PDXK: variants seen among roughly 807,000 people sequenced by gnomAD.
PDXK encodes the protein epididymis secretory sperm binding protein Li 1a.
Under a neutral mutation model 43.2 loss-of-function variants are expected in PDXK, and 15 were observed. That is an observed-to-expected ratio of 0.35 (90% CI 0.23 to 0.53). The LOEUF is 0.53. Ranked by LOEUF, PDXK falls within the 20% of genes least tolerant of loss-of-function variation. PDXK has a pLI of 0.92. For missense variants in PDXK, 343 were observed against 417.0 expected, an observed-to-expected ratio of 0.82 and a Z score of 1.54; for synonymous variants, 172 against 165.4, an observed-to-expected ratio of 1.04 and a Z score of -0.31.
At chr21:43,740,676 A>ATT (rs1416721211) in intron 2 of PDXK, among the ~76,000 whole-genome samples, 1 of 151,872 alleles carries the variant, frequency 6.6e-6, no homozygotes, top group Non-Finnish European at 1.5e-5. Context: ...GTCCTCACAC[A>ATT]TTGATATGCC....
Position 43,752,747 on chromosome 21 carries a change from G to A in PDXK, c.622+118G>A, listed in dbSNP as rs2010795. On this transcript the variant is annotated intron_variant, in intron 8 of 10. Coordinates refer to ENST00000291565, the MANE Select transcript of PDXK (RefSeq NM_003681.5). ...TGAAATTTAAGCCTTATCCAGCACC[G>A]GGATGACACCCCCATTTTACAGACT... 204,355 of 639,370 alleles carry A rather than the reference G, an allele frequency of 0.32. 33,323 individuals are homozygous for A. The highest frequency in any genetic ancestry group is 0.44 in the East Asian group (15,671 of 35,500). The allele number at this position is 639,370 out of a possible 1,614,324, so 39.6% of individuals were successfully genotyped here. A position where few individuals can be genotyped will look rare whatever the true frequency, so the allele number is the denominator to read the frequency against.
Position 43,741,789 on chromosome 21 carries a change from C to T in PDXK, c.247+18C>T, listed in dbSNP as rs1476018693. 5.2e-6 allele frequency: 8 copies of T among 1,526,988 alleles called. No homozygotes were observed. The African/African-American group carries it at 5.5e-5, about 10-fold the overall frequency. 94.6% of individuals were successfully genotyped at this position (1,526,988 alleles called of 1,614,324 possible). On this transcript the variant is annotated intron_variant, in intron 3 of 10. Coordinates refer to ENST00000291565, the MANE Select transcript of PDXK (RefSeq NM_003681.5). The stretch of plus-strand genomic sequence containing the variant: ...GCTCACAGGTAGGTGCCGGAGCAAG[C>T]TGCCGCAGGGGACTACGCACCCCAC...
chr21:43,756,364 T>G lies in PDXK; in HGVS notation c.*301T>G. On this transcript the variant is annotated 3_prime_UTR_variant, in exon 11 of 11. Coordinates refer to ENST00000291565, the MANE Select transcript of PDXK (RefSeq NM_003681.5). ...GGGGTGTTCCCTGTGGGAGGGTGAG[T>G]GGGTGAGGCCGAGCCTGCTGCGTGT... 9.3e-6 allele frequency: 3 copies of G among 323,584 alleles called. No homozygotes were observed. The highest frequency in any genetic ancestry group is 1.2e-5 in the Non-Finnish European group (2 of 168,064). 20.0% of individuals were successfully genotyped at this position (323,584 alleles called of 1,614,324 possible).
chr21:43,745,377 G>A (rs992526854), intron 4 of PDXK, among the ~76,000 whole-genome samples: 2 of 149,712 alleles, frequency 1.3e-5, no homozygotes, highest in South Asian at 2.1e-4. Context: ...CCAAGATTGC[G>A]CCACTGCACT....
intron 2 of PDXK, among the ~76,000 whole-genome samples, chr21:43,740,828 A>G (rs372789045): frequency 1.1e-4 from 17 of 151,498 alleles, no homozygotes; most frequent in African/African-American, 3.1e-4. Flanking sequence ...TTGCACCTTA[A>G]TAAGCTTGTT....
Position 43,732,752 on chromosome 21 carries a change from T to C in PDXK, c.88-1317T>C. On this transcript the variant is annotated intron_variant, in intron 1 of 10. Coordinates refer to ENST00000291565, the MANE Select transcript of PDXK (RefSeq NM_003681.5). This position sits in a 1 kb window ranked among gnomAD's most constrained non-coding sequence, Gnocchi z 4.1. ...GTGCCCATTTTATTTTTTATTTTTA[T>C]TTTTATGTTTTTTGAGACATATTCT... 1.5e-6 allele frequency: 1 copy of C among 645,434 alleles called. No individual in the cohort carries two copies. The highest frequency in any genetic ancestry group is 2.7e-6 in the Non-Finnish European group (1 of 366,572). 40.0% of individuals were successfully genotyped at this position (645,434 alleles called of 1,614,324 possible).
chr21:43,738,186 G>A, intron 2 of PDXK: 1 of 296,868 alleles, frequency 3.4e-6, no homozygotes, highest in Non-Finnish European at 5.0e-6. Flanking sequence ...AGGCCATCAG[G>A]GCTCTGGGTG....
chr21:43,736,371 C>T (rs1197287101), intron 2 of PDXK, among the ~76,000 whole-genome samples: 5 of 152,184 alleles, frequency 3.3e-5, no homozygotes, highest in East Asian at 1.9e-4. Context: ...GCCCATCGTG[C>T]GTGCCCAGGA....
chr21:43,739,579 G>A (rs1277709900), intron 2 of PDXK, among the ~76,000 whole-genome samples: 1 of 148,214 alleles, frequency 6.7e-6, no homozygotes, highest in African/African-American at 2.4e-5. Context: ...AGTGCAGACT[G>A]AGGGGCCCAG....
intron 3 of PDXK, 65 bp from the exon 4 acceptor site, chr21:43,743,659 T>G (rs1456425603): frequency 1.7e-6 from 2 of 1,169,510 alleles, no homozygotes; most frequent in African/African-American, 3.0e-5. Flanking sequence ...TCTCTTTCTT[T>G]GTGCCACAGT....
intron 6 of PDXK, 102 bp downstream of exon 6, chr21:43,749,182 G>C: frequency 1.6e-6 from 1 of 623,080 alleles, no homozygotes. Context: ...ACAGCTCACT[G>C]CAACCTCTGT....
In PDXK at chr21:43,741,699, T is replaced by G; in HGVS notation, c.175T>G (p.Ser59Ala). The G allele has an allele frequency of 6.2e-7, 1 of 1,613,118 alleles. No individual in the cohort carries two copies. The highest frequency in any genetic ancestry group is 8.5e-7 in the Non-Finnish European group (1 of 1,179,384). Residue 59 changes from serine (S) to alanine (A), a missense_variant, in exon 3 of 11, where the codon TCA becomes GCA. Physicochemically the swap from Ser to Ala is moderately conservative, Grantham distance 99. Coordinates refer to ENST00000291565, the MANE Select transcript of PDXK (RefSeq NM_003681.5). ...YAHWKGQVLNSDELQELYEGL... is the reference protein window; with the variant it reads ...YAHWKGQVLNADELQELYEGL... ...CCACTGGAAGGGCCAAGTGCTGAATTCAGATGAGCTCCAGGAGTTGTACGA... is the reference window on the plus strand; with the variant it reads ...CCACTGGAAGGGCCAAGTGCTGAATGCAGATGAGCTCCAGGAGTTGTACGA...
rs541664873 is a variant in PDXK at position 43,755,961 on chromosome 21, G to A, written c.837G>A (p.Gly279=). 1.2e-6 allele frequency: 2 copies of A among 1,610,388 alleles called. No individual in the cohort carries two copies. Among genetic ancestry groups the A allele is most frequent in the Non-Finnish European group, 1.7e-6 (2 of 1,177,748 alleles). The change falls in exon 11 of 11, where the codon GGG becomes GGA. Residue 279 remains glycine (G), a synonymous_variant. Coordinates refer to ENST00000291565, the MANE Select transcript of PDXK (RefSeq NM_003681.5). ...CTGCCTGCCCCGCAGCCCAGGCCGG[G>A]GAAGGAGTGAGGCCCAGCCCCATGC... The part of the protein sequence containing the change: ...RTIQCAKAQA[G]EGVRPSPMQL...
intron 1 of PDXK, among the ~76,000 whole-genome samples, chr21:43,727,979 C>T (rs1218257211): frequency 6.6e-6 from 1 of 152,240 alleles, no homozygotes; most frequent in Non-Finnish European, 1.5e-5. Context: ...TAGCACTTTG[C>T]AGTGAGCCCA....
At position 43,754,096 on chromosome 21, in the gene PDXK, G is replaced by A. The variant is rs2083804521; in HGVS notation, c.759+377G>A. 6.6e-6 allele frequency among the ~76,000 whole-genome samples: 1 copy of A among 152,218 alleles called. No individual in the cohort carries two copies. ...ACTTGGGGGCTGCTGCAGAGGAGTG[G>A]CACCCTGCAGCATTTCCCACAGTGT... On this transcript the variant is annotated intron_variant, in intron 9 of 10. Coordinates refer to ENST00000291565, the MANE Select transcript of PDXK (RefSeq NM_003681.5). This position sits in a 1 kb window ranked among gnomAD's most constrained non-coding sequence, Gnocchi z 5.5.
intron 1 of PDXK, among the ~76,000 whole-genome samples, chr21:43,733,428 C>T (rs2083352637): frequency 6.6e-6 from 1 of 152,104 alleles, no homozygotes; most frequent in Non-Finnish European, 1.5e-5. Context: ...GTGGGGATGG[C>T]CCCCCAAACT....
intron 3 of PDXK, among the ~76,000 whole-genome samples, chr21:43,742,096 A>G (rs1328088190): frequency 6.6e-6 from 1 of 152,122 alleles, no homozygotes; most frequent in Non-Finnish European, 1.5e-5. Flanking sequence ...GGGACACTCA[A>G]TTAGGTGACG....
chr21:43,751,446 G>A (rs1350205602), intron 7 of PDXK, among the ~76,000 whole-genome samples: 3 of 152,222 alleles, frequency 2.0e-5, no homozygotes, highest in Admixed American at 6.5e-5. Context: ...CTAGTTGGGA[G>A]GCTGAGGCAG....
intron 1 of PDXK, among the ~76,000 whole-genome samples, chr21:43,730,185 T>A (rs181675960): frequency 3.4e-4 from 51 of 152,160 alleles, no homozygotes; most frequent in African/African-American, 1.0e-3. Context: ...CCCAGGCTAG[T>A]TGCAGTCTTG....
Sources: allele counts gnomAD v4.1 joint callset (sites outside exome capture counted in the v4.1 genomes callset), GRCh38; gene constraint gnomAD v4.1.1; non-coding constraint Gnocchi (gnomAD v3.1); transcripts MANE v1.5; gene names NCBI Gene and HGNC (gene_info 2026-07-23, HGNC 2026-07-21).